The following SYMPK variants were observed in gnomAD, a reference collection of about 807,000 sequenced individuals.
The protein encoded by SYMPK is symplekin scaffold protein.
In SYMPK, 49 loss-of-function variants were observed where a neutral mutation model predicts 136.4. The observed-to-expected ratio is 0.36, with a 90% CI of 0.29 to 0.46. The LOEUF (loss-of-function observed/expected upper bound fraction) is 0.46, where lower values mean the gene tolerates loss of function less well. Ranked by LOEUF, SYMPK falls within the 20% of genes least tolerant of loss-of-function variation. The pLI is 1.00. For synonymous variants in SYMPK, 766 were observed against 713.0 expected (o/e 1.07, Z -1.19); for missense variants, 1,365 against 1,690.0 (o/e 0.81, Z 3.37).
At chr19:45,816,762 T>TG (rs1190899072) in intron 24 of SYMPK, 36 bp downstream of exon 24, 5 of 1,484,972 alleles carry the variant, frequency 3.4e-6, no homozygotes, top group Non-Finnish European at 4.5e-6. Flanking sequence ...ACACCCTGGG[T>TG]GGGGGGAAAG....
chr19:45,859,566 C>A (rs1003486506), intron 1 of SYMPK, among the ~76,000 whole-genome samples: 3 of 152,130 alleles, frequency 2.0e-5, no homozygotes, highest in Non-Finnish European at 4.4e-5. Context: ...CGCCACTGCA[C>A]TCCAGCCTGG....
At position 45,821,334 on chromosome 19, in the gene SYMPK, C is replaced by G; in HGVS notation, c.2893+50G>C. The G allele has an allele frequency of 7.2e-7, 1 of 1,394,358 alleles. No homozygotes were observed. Among genetic ancestry groups the G allele is most frequent in the Non-Finnish European group, 1.0e-6 (1 of 982,138 alleles). The allele number at this position is 1,394,358 out of a possible 1,614,324, so 86.4% of individuals were successfully genotyped here. On this transcript the variant is annotated intron_variant, in intron 22 of 26. Transcript: ENST00000245934. This position sits in a 1 kb window ranked among gnomAD's most constrained non-coding sequence, Gnocchi z 4.4. ...GGGCATGTGGGTGACTGAGGTCCTG[C>G]CCTGGCGTCGCAGGGGCCAGGCCAC...
rs775860352 is a variant in SYMPK, at chr19:45,854,170, C to G, written c.171+5G>C. ...CTCAGCCCAGGATGCCCCCCGGGCC[C>G]TCACCTGTTTGAGCACTGTGATCTT... On this transcript the variant is annotated splice_donor_5th_base_variant and intron_variant, in intron 3 of 26. Coordinates refer to ENST00000245934, the MANE Select transcript of SYMPK (RefSeq NM_004819.3). 1 of 1,614,146 alleles carries G rather than the reference C, an allele frequency of 6.2e-7. No individual in the cohort carries two copies. Among genetic ancestry groups the G allele is most frequent in the East Asian group, 2.2e-5 (1 of 44,882 alleles).
At chr19:45,851,569 C>G (rs1971697054) in intron 5 of SYMPK, among the ~76,000 whole-genome samples, 1 of 136,002 alleles carries the variant, frequency 7.4e-6, no homozygotes, top group Non-Finnish European at 1.6e-5. Context: ...CAGAGCAAAA[C>G]TCAGTCTCAA....
rs5828250 is a variant in SYMPK at position 45,815,419 on chromosome 19, TC to T, written c.*140del. 0.67 allele frequency: 604,511 copies of T among 902,082 alleles called. 182,252 individuals are homozygous for T. The highest frequency in any genetic ancestry group is 0.71 in the African/African-American group (40,264 of 56,824). The allele number at this position is 902,082 out of a possible 1,614,324, so 55.9% of individuals were successfully genotyped here. On this transcript the variant is annotated 3_prime_UTR_variant, in exon 27 of 27. Transcript: ENST00000245934. ...CGGCACCCGCGCCCCAGGCCCGCCATCCCTTTTTTTTTTTCTTTTCAGTAAC... is the reference window on the plus strand; with the variant it reads ...CGGCACCCGCGCCCCAGGCCCGCCATCCTTTTTTTTTTTCTTTTCAGTAAC...
At position 45,863,042 on chromosome 19, in the gene SYMPK, G is replaced by A. The variant is rs1972013523; in HGVS notation, c.-13+16C>T. 2 of 368,158 alleles carry A rather than the reference G, an allele frequency of 5.4e-6. No homozygotes were observed. The highest frequency in any genetic ancestry group is 2.6e-4 in the South Asian group (2 of 7,726). The allele number at this position is 368,158 out of a possible 1,614,324, so 22.8% of individuals were successfully genotyped here. On this transcript the variant is annotated intron_variant, in intron 1 of 26. Coordinates refer to ENST00000245934, the MANE Select transcript of SYMPK (RefSeq NM_004819.3). The stretch of plus-strand genomic sequence containing the variant: ...CCTCCTTTCGTCTCCGGGCCCAAAC[G>A]CCGCCTCCCGCTCACCGCAGCTCTG...
intron 7 of SYMPK, 136 bp from the exon 8 acceptor site, chr19:45,844,336 G>C: frequency 1.5e-6 from 1 of 649,946 alleles, no homozygotes; most frequent in East Asian, 3.0e-5. Context: ...CAGAAAATGT[G>C]GTGGTTGATT....
intron 11 of SYMPK, among the ~76,000 whole-genome samples, chr19:45,833,510 G>A (rs1274334420): frequency 1.3e-5 from 2 of 152,050 alleles, no homozygotes; most frequent in Non-Finnish European, 2.9e-5. Context: ...GCTGAGGCAT[G>A]AGAATGGCGT....
At chr19:45,855,278 A>C (rs1294491279) in intron 1 of SYMPK, 1 of 152,210 alleles carries the variant, frequency 6.6e-6, no homozygotes, top group South Asian at 2.1e-4. Flanking sequence ...TTCAATAATT[A>C]TGTTTCAGCC....
At chr19:45,825,116 G>A in intron 18 of SYMPK, 55 bp downstream of exon 18, 3 of 1,577,552 alleles carry the variant, frequency 1.9e-6, no homozygotes, top group Admixed American at 3.5e-5. Flanking sequence ...AGCTGGAGCT[G>A]GGGACACAGC....
At position 45,852,296 on chromosome 19, in the gene SYMPK, G is replaced by A. The variant is rs891839869; in HGVS notation, c.299+16C>T. On this transcript the variant is annotated intron_variant, in intron 5 of 26. Transcript: ENST00000245934. ...CCAGTGAGAATGCTCCCGGGGCTCC[G>A]TGCCTCGCCCCATACCATGCCTCCT... is the stretch of plus-strand genomic sequence containing the variant. 8.7e-6 allele frequency: 14 copies of A among 1,614,070 alleles called. No homozygotes were observed. In the South Asian group the frequency reaches 8.8e-5, roughly 10 times the overall value.
At position 45,816,005 on chromosome 19, in the gene SYMPK, G is replaced by T. The variant is rs780994965; in HGVS notation, c.3533C>A (p.Ala1178Asp). 1 of 1,601,270 alleles carries T rather than the reference G, an allele frequency of 6.2e-7. No individual in the cohort carries two copies. Among genetic ancestry groups the T allele is most frequent in the Non-Finnish European group, 8.5e-7 (1 of 1,174,532 alleles). The change falls in exon 26 of 27, where the codon GCC becomes GAC. Residue 1178 changes from alanine (A) to aspartate (D), a missense_variant. Coordinates refer to ENST00000245934, the MANE Select transcript of SYMPK (RefSeq NM_004819.3). ...CTCAGACGGGGGCGGGCCTGGCCGGGCCGACGGAGAGGGAGAGGGGGAGGA... is the reference window on the plus strand; with the variant it reads ...CTCAGACGGGGGCGGGCCTGGCCGGTCCGACGGAGAGGGAGAGGGGGAGGA... ...SSSSPSPSPS[A>D]RPGPPPSEEA...
At chr19:45,851,612 A>G (rs1413675333) in intron 5 of SYMPK, among the ~76,000 whole-genome samples, 48 of 143,514 alleles carry the variant, frequency 3.3e-4, no homozygotes, top group Non-Finnish European at 7.6e-5. Flanking sequence ...AGTGACTCAC[A>G]CCTGTAATCC....
chr19:45,861,499 G>A (rs188422025), intron 1 of SYMPK, among the ~76,000 whole-genome samples: 9 of 152,298 alleles, frequency 5.9e-5, no homozygotes, highest in African/African-American at 7.2e-5. Flanking sequence ...CCAGCACTTC[G>A]GGAGGCGGAG....
At chr19:45,823,256 T>C in intron 20 of SYMPK, 116 bp downstream of exon 20, 2 of 1,045,720 alleles carry the variant, frequency 1.9e-6, no homozygotes, top group Non-Finnish European at 1.5e-6. Flanking sequence ...GCAAGGTGCC[T>C]TCTGCCCTCT....
intron 11 of SYMPK, among the ~76,000 whole-genome samples, chr19:45,834,058 C>A (rs942142073): frequency 3.3e-5 from 5 of 151,974 alleles, no homozygotes; most frequent in African/African-American, 1.2e-4. Flanking sequence ...GAGGCCAAGG[C>A]GGGTGGATCA....
At chr19:45,839,099 G>A (rs1971375587) in intron 9 of SYMPK, among the ~76,000 whole-genome samples, 1 of 152,068 alleles carries the variant, frequency 6.6e-6, no homozygotes, top group Non-Finnish European at 1.5e-5. Flanking sequence ...ATGTTGGCCA[G>A]GCTGGTCTCA....
intron 3 of SYMPK, among the ~76,000 whole-genome samples, chr19:45,853,613 CAAAA>C (rs113932332): frequency 6.4e-5 from 8 of 124,338 alleles, no homozygotes; most frequent in African/African-American, 5.8e-5. Flanking sequence ...GACTCTGCCT[CAAAA>C]AAAAAAAAAA....
intron 11 of SYMPK, 63 bp from the exon 12 acceptor site, chr19:45,831,651 C>G: frequency 7.2e-7 from 1 of 1,397,510 alleles, no homozygotes; most frequent in African/African-American, 1.4e-5. Flanking sequence ...ACCCGAGGAC[C>G]TCCTGTGTGC....
Sources: gnomAD v4.1 joint callset for allele counts (sites outside exome capture counted in the v4.1 genomes callset) on GRCh38, gnomAD v4.1.1 for gene constraint, Gnocchi (gnomAD v3.1) non-coding constraint, MANE v1.5 for transcripts, NCBI Gene and HGNC (gene_info 2026-07-23, HGNC 2026-07-21) for gene names.